The following ADAMTS14 variants were observed in gnomAD, a reference collection of about 807,000 sequenced individuals.
ADAMTS14 encodes A disintegrin and metalloproteinase with thrombospondin motifs 14.
In ADAMTS14, 100 loss-of-function variants were observed where a neutral mutation model predicts 128.6. The ratio of observed to expected loss-of-function variants is 0.78; its 90% confidence interval spans 0.66 to 0.92. The LOEUF (loss-of-function observed/expected upper bound fraction) is 0.92. Among genes scored for constraint, ADAMTS14 ranks in the 40% least tolerant of loss-of-function variants. The probability of loss-of-function intolerance (pLI) is 0.00; values close to 1 mark genes in which losing one functional copy is unlikely to be tolerated. For synonymous variants in ADAMTS14, 665 were observed against 653.8 expected (o/e 1.02, Z -0.26); for missense variants, 1,562 against 1,658.6 (o/e 0.94, Z 1.01).
At chr10:70,683,963 A>G (rs1839885969) in intron 2 of ADAMTS14, among the ~76,000 whole-genome samples, 1 of 152,206 alleles carries the variant, frequency 6.6e-6, no homozygotes, top group Admixed American at 6.5e-5. Context: ...TTGCACTGCT[A>G]TAAAAAAATA....
chr10:70,745,375 G>A (rs781136213), intron 15 of ADAMTS14, 69 bp downstream of exon 15: 2 of 1,504,390 alleles, frequency 1.3e-6, no homozygotes, highest in Admixed American at 1.7e-5. Flanking sequence ...GGGGAGCTGG[G>A]AGACCAGAGG....
chr10:70,751,421 T>G, intron 16 of ADAMTS14, 57 bp from the exon 17 acceptor site: 4 of 1,549,296 alleles, frequency 2.6e-6, no homozygotes, highest in Non-Finnish European at 3.5e-6. Flanking sequence ...CCCCTCCCAG[T>G]GCATGCCGCC....
In ADAMTS14 at chr10:70,689,155, C is replaced by T. The variant is rs192661992; in HGVS notation, c.523-13157C>T. ...TTGTCACTTCAAAATTCATAGTCCCCGCGTAGGGAGATGCTAGGTAAAATA... is the reference window on the plus strand; with the variant it reads ...TTGTCACTTCAAAATTCATAGTCCCTGCGTAGGGAGATGCTAGGTAAAATA... On this transcript the variant is annotated intron_variant, in intron 2 of 21. Coordinates refer to ENST00000373207, the MANE Select transcript of ADAMTS14 (RefSeq NM_080722.4). Among the ~76,000 whole-genome samples the T allele has an allele frequency of 4.0e-3, 569 of 142,992 alleles. 34 individuals carry two copies. Among genetic ancestry groups the T allele is most frequent in the African/African-American group, 0.013 (518 of 40,636 alleles). The allele number at this position is 142,992 out of a possible 152,430, so 93.8% of individuals were successfully genotyped here. A position where few individuals can be genotyped will look rare whatever the true frequency, so the allele number is the denominator to read the frequency against.
chr10:70,757,583 T>G (rs891988116), intron 19 of ADAMTS14, among the ~76,000 whole-genome samples: 1 of 152,064 alleles, frequency 6.6e-6, no homozygotes, highest in African/African-American at 2.4e-5. Context: ...GCTAGAGTGA[T>G]ACACAAAATA....
intron 2 of ADAMTS14, among the ~76,000 whole-genome samples, chr10:70,689,246 A>G (rs1267398241): frequency 6.9e-6 from 1 of 144,888 alleles, no homozygotes; most frequent in Non-Finnish European, 1.6e-5. Context: ...GGTATACCCA[A>G]GGGAGTTTGT....
intron 15 of ADAMTS14, among the ~76,000 whole-genome samples, chr10:70,746,297 T>C (rs1270362538): frequency 1.3e-5 from 2 of 152,226 alleles, no homozygotes; most frequent in African/African-American, 4.8e-5. Context: ...AGGCCATTAA[T>C]ATAATATGAG....
chr10:70,717,957 T>G (rs78274851), intron 4 of ADAMTS14, among the ~76,000 whole-genome samples: 14,107 of 152,264 alleles, frequency 0.093, 1,546 homozygotes, highest in African/African-American at 0.27. Context: ...TTTCTGAGCC[T>G]GGGGCCTGCT....
At chr10:70,697,282 C>T (rs7081273) in intron 2 of ADAMTS14, among the ~76,000 whole-genome samples, 2 of 152,028 alleles carry the variant, frequency 1.3e-5, no homozygotes, top group African/African-American at 2.4e-5. Context: ...ATTTGGCAAA[C>T]GTAGGCTGGT....
chr10:70,760,413 C>G lies in ADAMTS14; in HGVS notation c.3232C>G (p.Arg1078Gly). The G allele has an allele frequency of 2.5e-6, 4 of 1,608,860 alleles. No homozygotes were observed. The highest frequency in any genetic ancestry group is 1.1e-5 in the South Asian group (1 of 90,522). ...CTTCTGCCAGATGGAAGTGCTCGATCGCTACTGCTCCATTCCCGGCTACCA... is the reference window on the plus strand; with the variant it reads ...CTTCTGCCAGATGGAAGTGCTCGATGGCTACTGCTCCATTCCCGGCTACCA... ...SVFCQMEVLD[R>G]YCSIPGYHRL... Residue 1078 changes from arginine to glycine, a missense_variant, in exon 22 of 22, where the codon CGC becomes GGC. Arg to Gly is a moderately radical substitution (Grantham distance 125, BLOSUM62 -2). Coordinates refer to ENST00000373207, the MANE Select transcript of ADAMTS14 (RefSeq NM_080722.4).
chr10:70,752,970 T>G (rs537409760), intron 18 of ADAMTS14, among the ~76,000 whole-genome samples: 1 of 152,250 alleles, frequency 6.6e-6, no homozygotes, highest in Non-Finnish European at 1.5e-5. Flanking sequence ...TCTCTTTCAC[T>G]TGTTCCTTTG....
Position 70,672,877 on chromosome 10 carries a change from G to T in ADAMTS14, c.75G>T (p.Arg25=). 6.7e-7 allele frequency: 1 copy of T among 1,491,114 alleles called. No individual in the cohort carries two copies. The allele number at this position is 1,491,114 out of a possible 1,614,324, so 92.4% of individuals were successfully genotyped here. The change falls in exon 1 of 22, where the codon CGG becomes CGT. Residue 25 remains arginine (R), a synonymous_variant. Transcript: ENST00000373207. ...HCALCAAAGS[R]TPELHLSGKL... The stretch of plus-strand genomic sequence containing the variant: ...CGCTCTGCGCCGCCGCGGGCAGCCG[G>T]ACCCCAGGTGCGTGCGGGTTGGGCG...
At chr10:70,688,566 A>G (rs1208751418) in intron 2 of ADAMTS14, among the ~76,000 whole-genome samples, 5 of 64,980 alleles carry the variant, frequency 7.7e-5, no homozygotes, top group African/African-American at 1.7e-4. Context: ...ACTGCACTCC[A>G]GCCTGGGCAC....
chr10:70,747,290 A>G (rs115820499), intron 15 of ADAMTS14, among the ~76,000 whole-genome samples: 1 of 152,246 alleles, frequency 6.6e-6, no homozygotes, highest in African/African-American at 2.4e-5. Flanking sequence ...GGGCCTCTGT[A>G]TGCCCTGATT....
chr10:70,744,143 C>A lies in ADAMTS14; in HGVS notation c.2136C>A (p.His712Gln). The A allele has an allele frequency of 6.4e-7, 1 of 1,555,670 alleles. No homozygotes were observed. The highest frequency in any genetic ancestry group is 8.7e-7 in the Non-Finnish European group (1 of 1,148,988). ...KCGVCGGDNS[H>Q]CRTVKGTLGK... Reference sequence around the variant, plus strand: ...GAGTCTGCGGGGGTGACAACTCCCACTGCAGGACTGTGAAGGGGACGCTGG... The same window carrying A: ...GAGTCTGCGGGGGTGACAACTCCCAATGCAGGACTGTGAAGGGGACGCTGG... Residue 712 changes from histidine to glutamine, a missense_variant, in exon 14 of 22, where the codon CAC becomes CAA. Transcript: ENST00000373207.
At chr10:70,696,043 G>T (rs1054951297) in intron 2 of ADAMTS14, among the ~76,000 whole-genome samples, 1 of 152,214 alleles carries the variant, frequency 6.6e-6, no homozygotes, top group Non-Finnish European at 1.5e-5. Flanking sequence ...TGTAGACAAC[G>T]CTTTCTGCTG....
intron 14 of ADAMTS14, 99 bp from the exon 15 acceptor site, chr10:70,745,127 T>G: frequency 2.0e-4 from 214 of 1,068,130 alleles, no homozygotes; most frequent in Non-Finnish European, 2.7e-4. Context: ...TGTGATCAAA[T>G]GAGATGTTCC....
intron 19 of ADAMTS14, 63 bp downstream of exon 19, chr10:70,754,070 G>A (rs1842423933): frequency 1.4e-6 from 2 of 1,424,778 alleles, no homozygotes; most frequent in Non-Finnish European, 1.9e-6. Context: ...GATTTTTTTG[G>A]TGTTCCCTGC....
At chr10:70,713,361 T>C (rs74351171) in intron 4 of ADAMTS14, among the ~76,000 whole-genome samples, 9,914 of 151,876 alleles carry the variant, frequency 0.065, 434 homozygotes, top group East Asian at 0.16. Flanking sequence ...GTCAGGGTTC[T>C]TGTGGTTGCA....
chr10:70,691,622 C>T (rs1360263299), intron 2 of ADAMTS14, among the ~76,000 whole-genome samples: 1 of 152,064 alleles, frequency 6.6e-6, no homozygotes. Flanking sequence ...CAGAGGGACT[C>T]CTAATAATTG....
Sources: gnomAD v4.1 joint callset for allele counts (sites outside exome capture counted in the v4.1 genomes callset) on GRCh38, gnomAD v4.1.1 for gene constraint, MANE v1.5 for transcripts, NCBI Gene and HGNC (gene_info 2026-07-23, HGNC 2026-07-21) for gene names.